KCNG2: variants seen among roughly 807,000 people sequenced by gnomAD.
KCNG2 encodes voltage-gated potassium channel regulatory subunit KCNG2.
In KCNG2, 7 loss-of-function variants were observed where a neutral mutation model predicts 12.3. The ratio of observed to expected loss-of-function variants is 0.57; its 90% CI spans 0.32 to 1.07. The LOEUF is 1.07. KCNG2 is among the 50% of genes least tolerant of loss of function. The pLI, the probability that KCNG2 is intolerant of heterozygous loss-of-function variation, is 0.04. For synonymous variants in KCNG2, 414 were observed against 351.4 expected, an observed-to-expected ratio of 1.18 and a Z score of -1.99; for missense variants, 703 against 726.0, an observed-to-expected ratio of 0.97 and a Z score of 0.36.
At chr18:79,798,554 G>C (rs1056033659) in intron 1 of KCNG2, among the ~76,000 whole-genome samples, 9 of 152,208 alleles carry the variant, frequency 5.9e-5, no homozygotes, top group African/African-American at 1.7e-4. Context: ...TCTCCCCGGA[G>C]ATGAACGCCC....
chr18:79,820,199 C>T (rs1452868983), intron 1 of KCNG2, among the ~76,000 whole-genome samples: 1 of 152,198 alleles, frequency 6.6e-6, no homozygotes, highest in Admixed American at 6.5e-5. Flanking sequence ...CGCTTGTATC[C>T]TCTGTTTGAG....
chr18:79,866,984 GGTGCTGAGAGGTCTGT>G (rs796153955), intron 3 of KCNG2, among the ~76,000 whole-genome samples: 15,984 of 104,828 alleles, frequency 0.15, 2 homozygotes, highest in Middle Eastern at 0.27. Flanking sequence ...AAGAGGCCTG[GGTGCTGAGAGGTCTGT>G]GTGCTGAGAG....
intron 3 of KCNG2, among the ~76,000 whole-genome samples, chr18:79,897,429 T>A (rs1167327530): frequency 1.3e-5 from 2 of 152,230 alleles, no homozygotes; most frequent in Admixed American, 6.5e-5. Context: ...GGTATTTTTT[T>A]AAATGTCCAT....
chr18:79,863,304 T>A (rs1483277006), intron 2 of KCNG2, among the ~76,000 whole-genome samples: 2 of 152,198 alleles, frequency 1.3e-5, no homozygotes, highest in Admixed American at 6.5e-5. Flanking sequence ...CCCTGAAACA[T>A]CTGGCTCTTT....
chr18:79,818,438 G>A (rs1203996064), intron 1 of KCNG2, among the ~76,000 whole-genome samples: 1 of 151,092 alleles, frequency 6.6e-6, no homozygotes, highest in East Asian at 2.0e-4. Context: ...CTCCTCCCCC[G>A]CTGCCTGGCC....
Position 79,875,204 on chromosome 18 carries a change from A to G in KCNG2, c.624+10913A>G, listed in dbSNP as rs574376112. ...GGACTGGCCATGAGGAGATTGCCCT[A>G]CGTTGTCTGATGGGGTCCTAAGACC... On this transcript the variant is annotated intron_variant, in intron 3 of 3. Coordinates refer to ENST00000316249, the MANE Select transcript of KCNG2 (RefSeq NM_012283.2). 4.6e-5 allele frequency among the ~76,000 whole-genome samples: 7 copies of G among 152,296 alleles called. No homozygotes were observed. In the South Asian group the frequency reaches 8.3e-4, roughly 18 times the overall value.
At position 79,884,622 on chromosome 18, in the gene KCNG2, C is replaced by G. The variant is rs771800397; in HGVS notation, c.625-14418C>G. ...TTCTAGATTCTGGGATTCCTTTCATCGTTGCTTTTTGTGTTTTCTACCTAG... is the reference window on the plus strand; with the variant it reads ...TTCTAGATTCTGGGATTCCTTTCATGGTTGCTTTTTGTGTTTTCTACCTAG... On this transcript the variant is annotated intron_variant, in intron 3 of 3. Transcript: ENST00000316249. This position sits in a 1 kb window ranked among gnomAD's most constrained non-coding sequence, Gnocchi z 5.5. Among the ~76,000 whole-genome samples, 14 of 152,172 alleles carry G rather than the reference C, an allele frequency of 9.2e-5. No individual in the cohort carries two copies. The highest frequency in any genetic ancestry group is 1.9e-4 in the Non-Finnish European group (13 of 68,022).
intron 3 of KCNG2, among the ~76,000 whole-genome samples, chr18:79,878,062 G>A (rs548365557): frequency 4.6e-5 from 7 of 152,388 alleles, no homozygotes; most frequent in Admixed American, 1.3e-4. Flanking sequence ...GCGCTGCCGC[G>A]TGGTGTGAGC....
At chr18:79,846,110 C>T (rs1251285565) in intron 1 of KCNG2, among the ~76,000 whole-genome samples, 3 of 149,894 alleles carry the variant, frequency 2.0e-5, no homozygotes, top group Non-Finnish European at 3.0e-5. Flanking sequence ...CGGTGGCTCA[C>T]GCCTGTAATC....
chr18:79,855,118 A>G (rs1275724254), intron 1 of KCNG2, among the ~76,000 whole-genome samples: 3 of 146,412 alleles, frequency 2.0e-5, no homozygotes, highest in Admixed American at 6.7e-5. Flanking sequence ...CTGTAATTCT[A>G]TTTTCTAAAG....
At chr18:79,845,306 A>C (rs541760110) in intron 1 of KCNG2, among the ~76,000 whole-genome samples, 2 of 152,232 alleles carry the variant, frequency 1.3e-5, no homozygotes, top group Non-Finnish European at 2.9e-5. Flanking sequence ...GTGAATCCGC[A>C]GGAGGGACCC....
At chr18:79,850,417 G>A (rs891472922) in intron 1 of KCNG2, among the ~76,000 whole-genome samples, 4 of 152,176 alleles carry the variant, frequency 2.6e-5, no homozygotes, top group African/African-American at 9.6e-5. Context: ...TATTTATTCA[G>A]AGTTCCTATT....
At chr18:79,885,485 T>G (rs1054919644) in intron 3 of KCNG2, among the ~76,000 whole-genome samples, 74 of 152,328 alleles carry the variant, frequency 4.9e-4, no homozygotes, top group African/African-American at 1.6e-3. Flanking sequence ...TTTCTGGCTC[T>G]GTGGCTGCAG....
Position 79,863,823 on chromosome 18 carries a change from C to A in KCNG2, c.156C>A (p.His52Gln). Residue 52 changes from histidine to glutamine, a missense_variant, in exon 3 of 4, where the codon CAC becomes CAA. Transcript: ENST00000316249. ...RLERLRACRG[H>Q]DDLLRVCDDY... ...AGCGCCTGCGCGCCTGCCGCGGCCA[C>A]GACGACCTGCTGCGCGTGTGTGACG... The A allele has an allele frequency of 7.2e-7, 1 of 1,391,890 alleles. No individual in the cohort carries two copies. The highest frequency in any genetic ancestry group is 9.4e-7 in the Non-Finnish European group (1 of 1,066,754). The allele number at this position is 1,391,890 out of a possible 1,614,324, so 86.2% of individuals were successfully genotyped here.
intron 3 of KCNG2, among the ~76,000 whole-genome samples, chr18:79,882,335 C>A (rs369296514): frequency 2.2e-4 from 34 of 152,252 alleles, no homozygotes; most frequent in African/African-American, 7.9e-4. Flanking sequence ...ATAGCAAGAC[C>A]CTCATCTCTA....
intron 1 of KCNG2, among the ~76,000 whole-genome samples, chr18:79,827,252 C>CG (rs1568247802): frequency 6.6e-6 from 1 of 152,246 alleles, no homozygotes; most frequent in Non-Finnish European, 1.5e-5. Context: ...GTGTCCACCC[C>CG]GGAGCCCCCA....
intron 1 of KCNG2, among the ~76,000 whole-genome samples, chr18:79,823,212 C>A (rs1331240378): frequency 1.3e-5 from 2 of 152,226 alleles, no homozygotes; most frequent in African/African-American, 4.8e-5. Context: ...CCTTCCGGCA[C>A]GTGCCCCACC....
intron 3 of KCNG2, among the ~76,000 whole-genome samples, chr18:79,874,262 CTT>C (rs1405673250): frequency 1.3e-5 from 2 of 152,218 alleles, no homozygotes; most frequent in African/African-American, 4.8e-5. Flanking sequence ...TCATAGAAAA[CTT>C]AATAGAAAAA....
In KCNG2 at chr18:79,822,145, G is replaced by T. The variant is rs2087575368; in HGVS notation, c.-115+24131G>T. ...CCTGGGGTTTAAGCAGGAAATGTTAGATTTTTAAAAGCTTTTTATTTGAAC... is the reference window on the plus strand; with the variant it reads ...CCTGGGGTTTAAGCAGGAAATGTTATATTTTTAAAAGCTTTTTATTTGAAC... On this transcript the variant is annotated intron_variant, in intron 1 of 3. Coordinates refer to ENST00000316249, the MANE Select transcript of KCNG2 (RefSeq NM_012283.2). The surrounding 1 kb of genome is among the most constrained non-coding windows in gnomAD (Gnocchi z 4.4). 6.6e-6 allele frequency among the ~76,000 whole-genome samples: 1 copy of T among 152,164 alleles called. No individual in the cohort carries two copies.
Sources: gnomAD v4.1 joint callset for allele counts (sites outside exome capture counted in the v4.1 genomes callset) on GRCh38, gnomAD v4.1.1 for gene constraint, Gnocchi (gnomAD v3.1) non-coding constraint, MANE v1.5 for transcripts, NCBI Gene and HGNC (gene_info 2026-07-23, HGNC 2026-07-21) for gene names.